Variants in SKAP2 observed in about 807,000 individuals in gnomAD.
SKAP2 encodes src kinase-associated phosphoprotein 2.
SKAP2 carries 28 observed loss-of-function variants against 54.9 expected under a neutral mutation model. The ratio of observed to expected loss-of-function variants is 0.51; its 90% CI spans 0.38 to 0.70. The LOEUF (loss-of-function observed/expected upper bound fraction) is 0.70, where lower values mean the gene tolerates loss of function less well. SKAP2 is among the 30% of genes least tolerant of loss of function. The pLI, the probability that SKAP2 is intolerant of heterozygous loss-of-function variation, is 0.00. For synonymous variants in SKAP2, 137 were observed against 134.3 expected, an observed-to-expected ratio of 1.02 and a Z score of -0.14; for missense variants, 356 against 424.1, an observed-to-expected ratio of 0.84 and a Z score of 1.41.
chr7:26,700,793 T>G (rs1321873444), intron 9 of SKAP2, among the ~76,000 whole-genome samples: 1 of 152,236 alleles, frequency 6.6e-6, no homozygotes, highest in East Asian at 1.9e-4. Context: ...CTACTGTTTT[T>G]GAAGTTTATA....
intron 4 of SKAP2, among the ~76,000 whole-genome samples, chr7:26,812,152 A>G (rs1784160266): frequency 6.6e-6 from 1 of 152,206 alleles, no homozygotes; most frequent in South Asian, 2.1e-4. Context: ...ACTGCCTTGC[A>G]ATATCAAATC....
intron 9 of SKAP2, among the ~76,000 whole-genome samples, chr7:26,717,501 C>T (rs1197959088): frequency 3.3e-5 from 2 of 61,020 alleles, no homozygotes; most frequent in African/African-American, 1.1e-4. Flanking sequence ...CAGAGCAAGA[C>T]CCCATCTCAA....
chr7:26,672,394 A>C (rs1207511041), intron 11 of SKAP2, among the ~76,000 whole-genome samples: 2 of 152,016 alleles, frequency 1.3e-5, no homozygotes, highest in Non-Finnish European at 2.9e-5. Context: ...ATTAACTAGA[A>C]AGCATAGTGG....
intron 11 of SKAP2, among the ~76,000 whole-genome samples, chr7:26,670,539 G>A (rs556918232): frequency 1.3e-5 from 2 of 152,008 alleles, no homozygotes; most frequent in East Asian, 1.9e-4. Context: ...GGCTATAGAA[G>A]GTTAAAGCCA....
chr7:26,684,179 G>A (rs1008649438), intron 11 of SKAP2, among the ~76,000 whole-genome samples: 2 of 152,016 alleles, frequency 1.3e-5, no homozygotes, highest in Admixed American at 6.6e-5. Flanking sequence ...TATATATGAA[G>A]ATGGGTTTAT....
intron 4 of SKAP2, among the ~76,000 whole-genome samples, chr7:26,819,114 C>G (rs1784331212): frequency 6.6e-6 from 1 of 152,148 alleles, no homozygotes; most frequent in Non-Finnish European, 1.5e-5. Context: ...TATAAAGACA[C>G]ATGCACACAT....
intron 4 of SKAP2, among the ~76,000 whole-genome samples, chr7:26,822,414 C>G (rs1388599275): frequency 6.6e-6 from 1 of 152,068 alleles, no homozygotes; most frequent in South Asian, 2.1e-4. Flanking sequence ...ATGTTGCCAT[C>G]TAATTGTTTT....
At chr7:26,713,172 T>C (rs1351040848) in intron 9 of SKAP2, among the ~76,000 whole-genome samples, 1 of 152,206 alleles carries the variant, frequency 6.6e-6, no homozygotes. Flanking sequence ...GAATTTGGTG[T>C]TCACTGTGCC....
chr7:26,668,154 T>C lies in SKAP2; in HGVS notation c.*1512A>G. 1 of 152,036 alleles carries C rather than the reference T, an allele frequency of 6.6e-6. No homozygotes were observed. Among genetic ancestry groups the C allele is most frequent in the Non-Finnish European group, 1.5e-5 (1 of 68,008 alleles). The allele number at this position is 152,036 out of a possible 1,614,324, so 9.4% of individuals were successfully genotyped here. ...CTGCTTATAAACAGTTTTACACAAATAATGGAGATTTTAAAATATTACCAG... is the reference window on the plus strand; with the variant it reads ...CTGCTTATAAACAGTTTTACACAAACAATGGAGATTTTAAAATATTACCAG... On this transcript the variant is annotated 3_prime_UTR_variant, in exon 13 of 13. Coordinates refer to ENST00000345317, the MANE Select transcript of SKAP2 (RefSeq NM_003930.5).
At chr7:26,661,485 T>A in the SKAP2 span, among the ~76,000 whole-genome samples, 4 of 152,160 alleles carry the variant, frequency 2.6e-5, no homozygotes, top group African/African-American at 7.2e-5. Flanking sequence ...TTACAACATA[T>A]ACCTAAAGAC....
intron 9 of SKAP2, among the ~76,000 whole-genome samples, chr7:26,720,795 G>A (rs1050565334): frequency 3.9e-5 from 6 of 152,062 alleles, no homozygotes; most frequent in African/African-American, 1.2e-4. Context: ...TCACTATCAC[G>A]AGAACTGGAT....
At chr7:26,744,739 TACACACAC>T (rs35916384) in intron 4 of SKAP2, among the ~76,000 whole-genome samples, 3 of 150,388 alleles carry the variant, frequency 2.0e-5, no homozygotes, top group Admixed American at 6.6e-5. Flanking sequence ...ATGTTACACA[TACACACAC>T]ACACACAAAC....
chr7:26,822,814 C>T lies in SKAP2; in HGVS notation c.307+21216G>A, dbSNP rs372210394. On this transcript the variant is annotated intron_variant, in intron 4 of 12. Transcript: ENST00000345317. ...AGGAGAATGGCGTGAACCCAGGAGG[C>T]GGGGCTTGCAGTGAGCCGAGAATGC... 6.0e-5 allele frequency among the ~76,000 whole-genome samples: 9 copies of T among 150,538 alleles called. No individual in the cohort carries two copies. The East Asian group carries it at 9.9e-4, about 17-fold the overall frequency.
chr7:26,748,927 T>C (rs1782618644), intron 4 of SKAP2, among the ~76,000 whole-genome samples: 1 of 152,178 alleles, frequency 6.6e-6, no homozygotes, highest in African/African-American at 2.4e-5. Context: ...TTGATTTCAT[T>C]AAGCTTTAGT....
chr7:26,802,002 A>G (rs1203230601), intron 4 of SKAP2, among the ~76,000 whole-genome samples: 2 of 152,164 alleles, frequency 1.3e-5, no homozygotes, highest in African/African-American at 4.8e-5. Context: ...AGAAAAAAAA[A>G]TCCTCAAATT....
At chr7:26,835,597 CAAG>C (rs1232879827) in intron 4 of SKAP2, among the ~76,000 whole-genome samples, 3 of 152,044 alleles carry the variant, frequency 2.0e-5, no homozygotes, top group Non-Finnish European at 1.5e-5. Flanking sequence ...ACAATTGCAA[CAAG>C]AAGAATAAAA....
chr7:26,748,407 T>G (rs987140382), intron 4 of SKAP2, among the ~76,000 whole-genome samples: 1 of 152,118 alleles, frequency 6.6e-6, no homozygotes, highest in Non-Finnish European at 1.5e-5. Flanking sequence ...CATTTAAAAG[T>G]AAGGTTTTAC....
intron 10 of SKAP2, among the ~76,000 whole-genome samples, chr7:26,686,388 C>T (rs1786640433): frequency 6.6e-6 from 1 of 151,934 alleles, no homozygotes; most frequent in African/African-American, 2.4e-5. Context: ...AGACAGATAC[C>T]TTATTGACTT....
At chr7:26,822,510 CCTAT>C (rs1784402247) in intron 4 of SKAP2, among the ~76,000 whole-genome samples, 1 of 152,030 alleles carries the variant, frequency 6.6e-6, no homozygotes, top group Non-Finnish European at 1.5e-5. Flanking sequence ...TCAACCTTCC[CCTAT>C]CTCTCTGCCT....
Sources: gnomAD v4.1 joint callset for allele counts (sites outside exome capture counted in the v4.1 genomes callset) on GRCh38, gnomAD v4.1.1 for gene constraint, MANE v1.5 for transcripts, NCBI Gene and HGNC (gene_info 2026-07-23, HGNC 2026-07-21) for gene names.